WFDC1: variants seen among roughly 807,000 people sequenced by gnomAD.
WFDC1 encodes the protein WAP four-disulfide core domain 1.
In WFDC1, 39 loss-of-function variants were observed where a neutral mutation model predicts 32.9. That is an observed-to-expected ratio of 1.19 (90% CI 0.92 to 1.55). WFDC1 has a LOEUF of 1.55. WFDC1 is among the 40% of genes most tolerant of loss of function. The pLI, the probability that WFDC1 is intolerant of heterozygous loss-of-function variation, is 0.00. For missense variants in WFDC1, 386 were observed against 309.5 expected, an observed-to-expected ratio of 1.25 and a Z score of -1.85; for synonymous variants, 184 against 137.4, an observed-to-expected ratio of 1.34 and a Z score of -2.37.
chr16:84,306,460 C>G (rs1907265310), intron 1 of WFDC1, among the ~76,000 whole-genome samples: 2 of 152,210 alleles, frequency 1.3e-5, no homozygotes, highest in Non-Finnish European at 2.9e-5. Flanking sequence ...AGCGAATCCT[C>G]AGAAACTGAG....
At chr16:84,307,063 G>A (rs1239262191) in intron 1 of WFDC1, among the ~76,000 whole-genome samples, 1 of 152,182 alleles carries the variant, frequency 6.6e-6, no homozygotes, top group African/African-American at 2.4e-5. Flanking sequence ...CGGGGAAAGA[G>A]CCAGTGCAAA....
At chr16:84,321,249 G>A (rs1908288481) in intron 4 of WFDC1, among the ~76,000 whole-genome samples, 1 of 152,236 alleles carries the variant, frequency 6.6e-6, no homozygotes, top group Non-Finnish European at 1.5e-5. Flanking sequence ...TCTTTGAGGA[G>A]TGAGTTAATC....
At chr16:84,324,199 T>C (rs1908457802) in intron 4 of WFDC1, among the ~76,000 whole-genome samples, 1 of 152,152 alleles carries the variant, frequency 6.6e-6, no homozygotes, top group Non-Finnish European at 1.5e-5. Context: ...TAAGGAGATC[T>C]CACAGGGCTT....
intron 1 of WFDC1, among the ~76,000 whole-genome samples, chr16:84,301,912 C>A (rs559427264): frequency 1.3e-5 from 2 of 152,132 alleles, no homozygotes; most frequent in African/African-American, 4.8e-5. Context: ...GGTTATCACT[C>A]GGGAGAGGGA....
intron 4 of WFDC1, among the ~76,000 whole-genome samples, chr16:84,322,149 G>GTGTGTT (rs2151379422): frequency 9.9e-6 from 1 of 101,270 alleles, no homozygotes; most frequent in Admixed American, 1.1e-4. Flanking sequence ...CAGAGCCTGT[G>GTGTGTT]TGTGTGTGTG....
At chr16:84,316,260 T>C (rs1907942664) in intron 2 of WFDC1, 1 of 152,212 alleles carries the variant, frequency 6.6e-6, no homozygotes, top group Admixed American at 6.5e-5. Context: ...ATAATCAGTA[T>C]AATCAGCGAG....
chr16:84,315,691 C>T (rs973119035), intron 2 of WFDC1, among the ~76,000 whole-genome samples: 2 of 152,230 alleles, frequency 1.3e-5, no homozygotes, highest in East Asian at 3.8e-4. Flanking sequence ...CAGTAGCAAC[C>T]TCTACCCCAA....
At chr16:84,312,156 A>G (rs1158214572) in intron 1 of WFDC1, among the ~76,000 whole-genome samples, 1 of 152,112 alleles carries the variant, frequency 6.6e-6, no homozygotes, top group African/African-American at 2.4e-5. Flanking sequence ...CAAGAGCGAA[A>G]CTCCGTCTCA....
chr16:84,298,452 A>G (rs1164976876), intron 1 of WFDC1, among the ~76,000 whole-genome samples: 6 of 152,132 alleles, frequency 3.9e-5, no homozygotes, highest in Non-Finnish European at 7.4e-5. Flanking sequence ...CCGTTTTGCT[A>G]TTCTCTTGGC....
At chr16:84,297,256 C>G (rs574328410) in intron 1 of WFDC1, among the ~76,000 whole-genome samples, 11 of 152,154 alleles carry the variant, frequency 7.2e-5, no homozygotes, top group Admixed American at 7.2e-4. Flanking sequence ...TGAATTGAAA[C>G]TTTCCCTGGT....
intron 4 of WFDC1, among the ~76,000 whole-genome samples, chr16:84,322,128 TCCA>T: frequency 6.7e-6 from 1 of 148,554 alleles, no homozygotes; most frequent in East Asian, 2.0e-4. Flanking sequence ...TCCAAGACTG[TCCA>T]CCAGCCTCAG....
rs922159980 is a variant in WFDC1, at chr16:84,328,654, G to C, written c.*16-668G>C. 2.3e-4 allele frequency: 35 copies of C among 152,256 alleles called. 1 individual carries two copies. The highest frequency in any genetic ancestry group is 8.0e-4 in the African/African-American group (33 of 41,428). 9.4% of individuals were successfully genotyped at this position (152,256 alleles called of 1,614,324 possible). On this transcript the variant is annotated intron_variant, in intron 6 of 6. Transcript: ENST00000219454. ...AGTTGAGGATGGCAGTTTGGAAGTT[G>C]AGGCTTTTGGGTGGGCGCAGCAGCT...
intron 1 of WFDC1, among the ~76,000 whole-genome samples, chr16:84,304,656 A>G (rs1052149846): frequency 2.0e-5 from 3 of 152,264 alleles, no homozygotes; most frequent in Non-Finnish European, 4.4e-5. Context: ...GAATGAAAAT[A>G]AAAGCTGGAA....
At chr16:84,312,158 T>C (rs1029630608) in intron 1 of WFDC1, among the ~76,000 whole-genome samples, 5 of 152,074 alleles carry the variant, frequency 3.3e-5, no homozygotes, top group African/African-American at 1.2e-4. Context: ...AGAGCGAAAC[T>C]CCGTCTCAAA....
intron 1 of WFDC1, among the ~76,000 whole-genome samples, chr16:84,299,188 C>T (rs187164303): frequency 1.3e-5 from 2 of 151,958 alleles, no homozygotes; most frequent in African/African-American, 4.8e-5. Context: ...TGGAGAAACC[C>T]CGTCTGTACT....
chr16:84,321,342 G>T (rs192359542), intron 4 of WFDC1, among the ~76,000 whole-genome samples: 1 of 152,314 alleles, frequency 6.6e-6, no homozygotes, highest in East Asian at 1.9e-4. Flanking sequence ...ACTCAATCCT[G>T]CCGTGGGTGG....
chr16:84,303,021 C>CTTTTTT (rs35785853), intron 1 of WFDC1, among the ~76,000 whole-genome samples: 1 of 135,100 alleles, frequency 7.4e-6, no homozygotes, highest in African/African-American at 2.7e-5. Context: ...TTCTTTCTTT[C>CTTTTTT]TTTTTTTTTT....
intron 1 of WFDC1, among the ~76,000 whole-genome samples, chr16:84,301,961 C>T (rs2151367485): frequency 6.6e-6 from 1 of 152,326 alleles, no homozygotes; most frequent in African/African-American, 2.4e-5. Context: ...GCACTCACCG[C>T]AGCCACAGGG....
At chr16:84,308,949 G>A (rs552664413) in intron 1 of WFDC1, among the ~76,000 whole-genome samples, 1 of 152,288 alleles carries the variant, frequency 6.6e-6, no homozygotes, top group South Asian at 2.1e-4. Flanking sequence ...ACACCATCCT[G>A]GGTGCAGACT....
Sources: allele counts gnomAD v4.1 joint callset (sites outside exome capture counted in the v4.1 genomes callset), GRCh38; gene constraint gnomAD v4.1.1; transcripts MANE v1.5; gene names NCBI Gene and HGNC (gene_info 2026-07-23, HGNC 2026-07-21).